Variants in UBAP2 observed in about 807,000 individuals in gnomAD.
UBAP2 encodes the protein ubiquitin associated protein 2, also known as ubiquitin-associated protein 2.
Under a neutral mutation model 139.6 loss-of-function variants are expected in UBAP2, and 75 were observed. That is an observed-to-expected ratio of 0.54 (90% confidence interval 0.45 to 0.65). The LOEUF is 0.65. Among genes scored for constraint, UBAP2 ranks in the 30% least tolerant of loss-of-function variants. The pLI is 0.00. For missense variants in UBAP2, 1,368 were observed against 1,369.6 expected, an observed-to-expected ratio of 1.00 and a Z score of 0.02; for synonymous variants, 526 against 526.2, an observed-to-expected ratio of 1.00 and a Z score of 0.01.
At chr9:33,998,193 T>A (rs984984421) in intron 3 of UBAP2, 1 of 152,288 alleles carries the variant, frequency 6.6e-6, no homozygotes, top group Non-Finnish European at 1.5e-5. Context: ...AGCCCAGGAA[T>A]TCAAGACTAG....
chr9:33,936,560 T>C (rs761697462), intron 16 of UBAP2, among the ~76,000 whole-genome samples: 2 of 152,016 alleles, frequency 1.3e-5, no homozygotes, highest in Non-Finnish European at 2.9e-5. Flanking sequence ...TCCCAAAATG[T>C]TGGGATTACA....
intron 15 of UBAP2, among the ~76,000 whole-genome samples, chr9:33,942,770 T>C (rs978944610): frequency 6.6e-6 from 1 of 150,896 alleles, no homozygotes; most frequent in African/African-American, 2.4e-5. Flanking sequence ...AAATCTGAGA[T>C]TTTGTATTTA....
At chr9:33,943,379 A>G in intron 15 of UBAP2, 41 bp downstream of exon 15, 1 of 1,598,560 alleles carries the variant, frequency 6.3e-7, no homozygotes, top group Middle Eastern at 1.7e-4. Flanking sequence ...GATCTCTCTT[A>G]GGGTCTATTT....
At chr9:34,013,280 T>G (rs1392802879) in intron 2 of UBAP2, among the ~76,000 whole-genome samples, 15 of 152,060 alleles carry the variant, frequency 9.9e-5, no homozygotes, top group Admixed American at 9.2e-4. Context: ...CCTGCTGCAG[T>G]GGCTCACGCC....
intron 20 of UBAP2, 88 bp downstream of exon 20, chr9:33,927,709 C>G (rs1402668923): frequency 7.0e-7 from 1 of 1,427,698 alleles, no homozygotes; most frequent in Non-Finnish European, 9.4e-7. Context: ...CTGAGACTCT[C>G]CTGACACCTG....
At chr9:33,936,485 G>A (rs1015926283) in intron 16 of UBAP2, among the ~76,000 whole-genome samples, 1 of 151,768 alleles carries the variant, frequency 6.6e-6, no homozygotes, top group Non-Finnish European at 1.5e-5. Context: ...GTAGAGATGG[G>A]GTTTCACCAT....
chr9:33,994,970 GAA>G (rs1323948292), intron 4 of UBAP2: 2 of 152,090 alleles, frequency 1.3e-5, no homozygotes, highest in Non-Finnish European at 2.9e-5. Flanking sequence ...ATTTTCCAAG[GAA>G]AGGTAGTTAT....
chr9:33,932,766 C>T (rs148636298), intron 18 of UBAP2, 138 bp from the exon 19 acceptor site: 230 of 872,252 alleles, frequency 2.6e-4, no homozygotes, highest in Non-Finnish European at 3.8e-4. Flanking sequence ...ATCCTCATTC[C>T]TTATCCCCAC....
intron 2 of UBAP2, among the ~76,000 whole-genome samples, chr9:34,009,239 C>T (rs1278445416): frequency 6.6e-6 from 1 of 151,774 alleles, no homozygotes; most frequent in Non-Finnish European, 1.5e-5. Context: ...GCTGGGATTA[C>T]AGGTGCACAC....
At chr9:34,008,956 T>C (rs1228679861) in intron 2 of UBAP2, among the ~76,000 whole-genome samples, 1 of 72,324 alleles carries the variant, frequency 1.4e-5, no homozygotes, top group Non-Finnish European at 2.4e-5. Context: ...ACAGCGAGAC[T>C]GTCTCAAAAA....
At position 33,944,572 on chromosome 9, in the gene UBAP2, G is replaced by C; in HGVS notation, c.1338C>G (p.Ser446Arg). 6.2e-7 allele frequency: 1 copy of C among 1,614,144 alleles called. No homozygotes were observed. Among genetic ancestry groups the C allele is most frequent in the Non-Finnish European group, 8.5e-7 (1 of 1,180,032 alleles). Residue 446 changes from serine (S) to arginine (R), a missense_variant, in exon 14 of 29, where the codon AGC (serine) becomes AGG (arginine). Ser to Arg is a moderately radical substitution (Grantham distance 110, BLOSUM62 -1). Coordinates refer to ENST00000379238, the MANE Select transcript of UBAP2 (RefSeq NM_001370062.2). ...CAGGAGGAGGAACAGTGACTGCCTGGCTCTGGTGCTGTTGTCGCTGGCTCA... is the reference window on the plus strand; with the variant it reads ...CAGGAGGAGGAACAGTGACTGCCTGCCTCTGGTGCTGTTGTCGCTGGCTCA... ...SQLSQRQQHQ[S>R]QAVTVPPPGL... is the part of the protein sequence containing the mutation.
chr9:34,045,442 T>C (rs1251082917), intron 1 of UBAP2, among the ~76,000 whole-genome samples: 2 of 151,890 alleles, frequency 1.3e-5, no homozygotes, highest in African/African-American at 4.8e-5. Flanking sequence ...CAATGGCACA[T>C]GGCTCACAGC....
intron 2 of UBAP2, among the ~76,000 whole-genome samples, chr9:34,013,695 G>C (rs958993774): frequency 4.6e-5 from 7 of 151,910 alleles, no homozygotes; most frequent in African/African-American, 1.4e-4. Flanking sequence ...TGGCCAACAC[G>C]GCGAAACCCC....
In UBAP2 at chr9:33,927,025, G is replaced by A; in HGVS notation, c.2427C>T (p.Tyr809=). Reference sequence around the variant, plus strand: ...GAAGCAGTCCTCCGGGACCTACGAGGTACTGGTTGTGCAGCAGGGGAGGCA... The same window carrying A: ...GAAGCAGTCCTCCGGGACCTACGAGATACTGGTTGTGCAGCAGGGGAGGCA... ...QGVPPLLHNQ[Y]LVGPGGLLPA... The change falls in exon 21 of 29, where the codon TAC becomes TAT. Residue 809 remains tyrosine (Y), a synonymous_variant. Coordinates refer to ENST00000379238, the MANE Select transcript of UBAP2 (RefSeq NM_001370062.2). 1 of 1,614,152 alleles carries A rather than the reference G, an allele frequency of 6.2e-7. No individual in the cohort carries two copies. The highest frequency in any genetic ancestry group is 8.5e-7 in the Non-Finnish European group (1 of 1,180,020).
chr9:33,987,143 G>T (rs1043804701), intron 5 of UBAP2, among the ~76,000 whole-genome samples: 2 of 152,022 alleles, frequency 1.3e-5, no homozygotes, highest in African/African-American at 4.8e-5. Context: ...AGGCACAGTG[G>T]CTCACACCTA....
At chr9:33,944,782 T>C in intron 13 of UBAP2, 143 bp from the exon 14 acceptor site, 1 of 953,964 alleles carries the variant, frequency 1.0e-6, no homozygotes, top group Non-Finnish European at 1.5e-6. Context: ...TGTGTAACAC[T>C]TCATTTATGA....
chr9:33,975,292 C>T (rs1226865230), intron 6 of UBAP2, among the ~76,000 whole-genome samples: 2 of 151,522 alleles, frequency 1.3e-5, no homozygotes, highest in East Asian at 3.9e-4. Flanking sequence ...ATTAGCCAGG[C>T]GTGGTGGCGC....
intron 6 of UBAP2, among the ~76,000 whole-genome samples, chr9:33,977,638 C>T (rs1981013): frequency 0.04 from 6,096 of 151,788 alleles, 268 homozygotes; most frequent in African/African-American, 0.1. Context: ...TGGGACTCTA[C>T]TACATCTCTG....
At chr9:33,979,096 A>G (rs1223911522) in intron 6 of UBAP2, among the ~76,000 whole-genome samples, 1 of 152,088 alleles carries the variant, frequency 6.6e-6, no homozygotes, top group Non-Finnish European at 1.5e-5. Flanking sequence ...TTAGCTGGGC[A>G]TTGTGATGTG....
Sources: allele counts gnomAD v4.1 joint callset (sites outside exome capture counted in the v4.1 genomes callset), GRCh38; gene constraint gnomAD v4.1.1; transcripts MANE v1.5; gene names NCBI Gene and HGNC (gene_info 2026-07-23, HGNC 2026-07-21).